The following CHRNA10 variants were observed in gnomAD, a reference collection of about 807,000 sequenced individuals.
The protein encoded by CHRNA10 is neuronal acetylcholine receptor subunit alpha-10.
A neutral mutation model predicts 36.0 loss-of-function variants in CHRNA10; 31 were observed. The observed-to-expected ratio is 0.86, with a 90% confidence interval of 0.65 to 1.16. The LOEUF is 1.16. Among genes scored for constraint, CHRNA10 ranks in the 50% most tolerant of loss-of-function variants. The probability of loss-of-function intolerance (pLI) is 0.00; values close to 1 mark genes in which losing one functional copy is unlikely to be tolerated. For synonymous variants in CHRNA10, 302 were observed against 287.0 expected (o/e 1.05, Z -0.53); for missense variants, 648 against 640.9 (o/e 1.01, Z -0.12).
intron 2 of CHRNA10, 91 bp downstream of exon 2, chr11:3,669,705 T>C: frequency 6.6e-7 from 1 of 1,511,986 alleles, no homozygotes; most frequent in South Asian, 1.1e-5. Context: ...AGAAAAGAAA[T>C]TCCATGGAGA....
At chr11:3,668,090 C>T (rs1208732977) in intron 3 of CHRNA10, among the ~76,000 whole-genome samples, 1 of 152,226 alleles carries the variant, frequency 6.6e-6, no homozygotes, top group Non-Finnish European at 1.5e-5. Context: ...TGTCCTTTGT[C>T]TTGCCACTAT....
Position 3,669,929 on chromosome 11 carries a change from G to C in CHRNA10, c.74C>G (p.Ala25Gly). 6.2e-7 allele frequency: 1 copy of C among 1,614,182 alleles called. No individual in the cohort carries two copies. The part of the protein sequence containing the change: ...LFLLPAECLG[A>G]EGRLALKLFR... ...CAGCTTGAGAGCCAGCCGGCCCTCA[G>C]CTCCCAGGCACTCTGGAGGGTCAGT... Residue 25 changes from alanine to glycine, a missense_variant, in exon 2 of 5, where the codon GCT (alanine) becomes GGT (glycine). Transcript: ENST00000250699.
At chr11:3,666,600 A>C in intron 4 of CHRNA10, 36 bp from the exon 5 acceptor site, 1 of 1,482,822 alleles carries the variant, frequency 6.7e-7, no homozygotes, top group Non-Finnish European at 9.1e-7. Flanking sequence ...GACTCAAAAC[A>C]AAAGCCTGTG....
chr11:3,669,886 G>T lies in CHRNA10; in HGVS notation c.117C>A (p.Ala39=), dbSNP rs1381962454. ...LALKLFRDLF[A]NYTSALRPVA... is the part of the protein sequence containing the mutation. ...CAGGTCTCAGGGCACTTGTGTAGTT[G>T]GCAAAGAGGTCACGGAACAGCTTGA... The change falls in exon 2 of 5, where the codon GCC becomes GCA. Residue 39 remains alanine (A), a synonymous_variant. Transcript: ENST00000250699. 4 of 1,613,992 alleles carry T rather than the reference G, an allele frequency of 2.5e-6. No individual in the cohort carries two copies. The highest frequency in any genetic ancestry group is 2.2e-5 in the East Asian group (1 of 44,880).
chr11:3,669,656 C>A, intron 2 of CHRNA10, 140 bp downstream of exon 2: 4 of 1,191,156 alleles, frequency 3.4e-6, no homozygotes, highest in Non-Finnish European at 5.0e-6. Context: ...CAGTACCCAA[C>A]AGTTTGTAAC....
chr11:3,668,048 CT>C (rs1383776955), intron 3 of CHRNA10, among the ~76,000 whole-genome samples: 1 of 152,250 alleles, frequency 6.6e-6, no homozygotes, highest in Non-Finnish European at 1.5e-5. Context: ...ATTTTACCCT[CT>C]TTCCACGTTT....
rs572498936 is a variant in CHRNA10 at position 3,669,132 on chromosome 11, C to A, written c.362+64G>T. On this transcript the variant is annotated intron_variant, in intron 3 of 4. Transcript: ENST00000250699. The stretch of plus-strand genomic sequence containing the variant: ...GTGGTAGGGAGAGGGGATCACTACA[C>A]CCCCACAGCTAAGGGCAAGTCTAGA... 4 of 1,522,854 alleles carry A rather than the reference C, an allele frequency of 2.6e-6. No individual in the cohort carries two copies. In the South Asian group the frequency reaches 5.0e-5, roughly 19 times the overall value. 94.3% of individuals were successfully genotyped at this position (1,522,854 alleles called of 1,614,324 possible).
intron 1 of CHRNA10, chr11:3,670,971 GA>G (rs2077709244): frequency 2.0e-6 from 1 of 510,136 alleles, no homozygotes; most frequent in African/African-American, 1.9e-5. Flanking sequence ...ATCTGCAGGA[GA>G]AAGACCTGGC....
chr11:3,669,600 A>G, intron 2 of CHRNA10, 196 bp downstream of exon 2: 1 of 800,088 alleles, frequency 1.2e-6, no homozygotes, highest in South Asian at 1.6e-5. Flanking sequence ...CAGGTGAACA[A>G]AATATTGGGC....
chr11:3,671,340 G>C lies in CHRNA10; in HGVS notation c.-28C>G, dbSNP rs2077713223. 6.2e-7 allele frequency: 1 copy of C among 1,613,244 alleles called. No homozygotes were observed. The highest frequency in any genetic ancestry group is 1.3e-5 in the African/African-American group (1 of 74,938). On this transcript the variant is annotated 5_prime_UTR_variant, in exon 1 of 5. Transcript: ENST00000250699. ...CCCTGGCACTGCAAGAGCGGGGGCAGGTCTCTGGATGTGAGGCCTCCTGGC... is the reference window on the plus strand; with the variant it reads ...CCCTGGCACTGCAAGAGCGGGGGCACGTCTCTGGATGTGAGGCCTCCTGGC...
intron 4 of CHRNA10, 74 bp downstream of exon 4, chr11:3,667,158 C>T: frequency 3.4e-6 from 5 of 1,459,148 alleles, no homozygotes; most frequent in Non-Finnish European, 4.5e-6. Context: ...TTCCGCAGAC[C>T]CAGGCCCTGT....
intron 1 of CHRNA10, 155 bp downstream of exon 1, chr11:3,671,097 G>T: frequency 1.3e-6 from 1 of 760,744 alleles, no homozygotes; most frequent in Non-Finnish European, 2.2e-6. Context: ...ACGCACTTCA[G>T]CACCCCTCTC....
Position 3,666,412 on chromosome 11 carries a change from C to A in CHRNA10, c.1048G>T (p.Val350Leu), listed in dbSNP as rs114107148. 1 of 1,613,990 alleles carries A rather than the reference C, an allele frequency of 6.2e-7. No homozygotes were observed. The highest frequency in any genetic ancestry group is 1.1e-5 in the South Asian group (1 of 91,074). ...LLGHLARGLC[V>L]RERGEPCGQS... ...CCACAGGGCTCCCCTCTTTCCCGCA[C>A]GCACAGGCCCCGTGCCAGGTGTCCC... is the stretch of plus-strand genomic sequence containing the variant. Residue 350 changes from valine to leucine, a missense_variant, in exon 5 of 5, where the codon GTG becomes TTG. Transcript: ENST00000250699.
rs762488072 is a variant in CHRNA10 at position 3,667,209 on chromosome 11, C to T, written c.895+23G>A. ...GGGGGACCCCAGCGCATCGTCAGGT[C>T]CCCCCGCGCCCCCGCTGCTCACCGA... is the stretch of plus-strand genomic sequence containing the variant. On this transcript the variant is annotated intron_variant, in intron 4 of 4. Transcript: ENST00000250699. 99 of 1,532,918 alleles carry T rather than the reference C, an allele frequency of 6.5e-5. 1 individual carries two copies. In the South Asian group the frequency reaches 1.1e-3, roughly 17 times the overall value. The allele number at this position is 1,532,918 out of a possible 1,614,324, so 95.0% of individuals were successfully genotyped here.
intron 3 of CHRNA10, 170 bp downstream of exon 3, chr11:3,669,026 G>C: frequency 1.5e-6 from 1 of 657,474 alleles, no homozygotes; most frequent in South Asian, 2.0e-5. Context: ...TAAAGTGGGG[G>C]TGCCATGGAG....
rs1407902113 is a variant in CHRNA10, at chr11:3,669,876, T to C, written c.127A>G (p.Ser43Gly). 6.2e-7 allele frequency: 1 copy of C among 1,614,112 alleles called. No homozygotes were observed. The highest frequency in any genetic ancestry group is 8.5e-7 in the Non-Finnish European group (1 of 1,180,010). Residue 43 changes from serine (S) to glycine (G), a missense_variant, in exon 2 of 5, where the codon AGT becomes GGT. Transcript: ENST00000250699. ...GTGTCTGCCACAGGTCTCAGGGCACTTGTGTAGTTGGCAAAGAGGTCACGG... is the reference window on the plus strand; with the variant it reads ...GTGTCTGCCACAGGTCTCAGGGCACCTGTGTAGTTGGCAAAGAGGTCACGG... The part of the protein sequence containing the change: ...LFRDLFANYT[S>G]ALRPVADTDQ...
In CHRNA10 at chr11:3,671,308, C is replaced by G; in HGVS notation, c.5G>C (p.Gly2Ala). ...CAGGCTGAGGTGGTGGCTCCGGAGC[C>G]CCATGGCCCTGGCACTGCAAGAGCG... M[G>A]LRSHHLSLGL... Residue 2 changes from glycine (G) to alanine (A), a missense_variant, in exon 1 of 5, where the codon GGG (glycine) becomes GCG (alanine). Physicochemically the swap from Gly to Ala is moderately conservative, Grantham distance 60. Transcript: ENST00000250699. 1 of 1,614,026 alleles carries G rather than the reference C, an allele frequency of 6.2e-7. No individual in the cohort carries two copies. The highest frequency in any genetic ancestry group is 8.5e-7 in the Non-Finnish European group (1 of 1,179,948).
At chr11:3,670,368 T>C (rs2077704855) in intron 1 of CHRNA10, among the ~76,000 whole-genome samples, 1 of 152,236 alleles carries the variant, frequency 6.6e-6, no homozygotes, top group South Asian at 2.1e-4. Context: ...TCTGATGCGA[T>C]GGAACACTCC....
rs1428501568 is a variant in CHRNA10, at chr11:3,667,752, C to T, written c.375G>A (p.Gln125=). ...CGTTGGTGCTGGCGGAACCTGGAGG[C>T]TGCGCGTCGGCTCTGGGGGCAGGCG... ...DIVLYNKADA[Q]PPGSASTNVV... is the part of the protein sequence containing the mutation. Residue 125 remains glutamine (Q), a synonymous_variant, in exon 4 of 5, where the codon CAG becomes CAA. Coordinates refer to ENST00000250699, the MANE Select transcript of CHRNA10 (RefSeq NM_020402.4). The T allele has an allele frequency of 7.1e-6, 11 of 1,542,170 alleles. No homozygotes were observed. The South Asian group carries it at 1.1e-4, about 15-fold the overall frequency.
Sources: gnomAD v4.1 joint callset for allele counts (sites outside exome capture counted in the v4.1 genomes callset) on GRCh38, gnomAD v4.1.1 for gene constraint, MANE v1.5 for transcripts, NCBI Gene and HGNC (gene_info 2026-07-23, HGNC 2026-07-21) for gene names.